TMEM232: variants seen among roughly 807,000 people sequenced by gnomAD.
TMEM232 encodes transmembrane protein 232.
In TMEM232, 80 loss-of-function variants were observed where a neutral mutation model predicts 78.8. That is an observed-to-expected ratio of 1.01 (90% CI 0.85 to 1.22). The LOEUF is 1.22. Among genes scored for constraint, TMEM232 ranks in the 50% most tolerant of loss-of-function variants. The pLI, the probability that TMEM232 is intolerant of heterozygous loss-of-function variation, is 0.00. For missense variants in TMEM232, 881 were observed against 742.2 expected (o/e 1.19, Z -2.17); for synonymous variants, 297 against 254.3 (o/e 1.17, Z -1.60).
chr5:110,459,766 T>C (rs903563925), intron 12 of TMEM232, among the ~76,000 whole-genome samples: 1 of 152,158 alleles, frequency 6.6e-6, no homozygotes, highest in African/African-American at 2.4e-5. Context: ...AGACACCCCC[T>C]TAACCAGGTG....
rs559912657 is a variant in TMEM232, at chr5:110,522,990, T to C, written c.1703+5598A>G. 8.5e-5 allele frequency among the ~76,000 whole-genome samples: 13 copies of C among 152,308 alleles called. No homozygotes were observed. In the East Asian group the frequency reaches 2.3e-3, roughly 27 times the overall value. On this transcript the variant is annotated intron_variant, in intron 12 of 13. Transcript: ENST00000455884. ...GAGCTTGAGAAATGTTGGCTTTAAT[T>C]GTTCAGATGTTTAGTAGGATTCACC...
At chr5:110,648,956 A>C (rs940605821) in intron 2 of TMEM232, among the ~76,000 whole-genome samples, 1 of 152,122 alleles carries the variant, frequency 6.6e-6, no homozygotes, top group Admixed American at 6.6e-5. Context: ...CTCTTTCAGA[A>C]GGTAAACAGT....
At chr5:110,477,676 T>C (rs1329264007) in intron 12 of TMEM232, among the ~76,000 whole-genome samples, 1 of 151,884 alleles carries the variant, frequency 6.6e-6, no homozygotes, top group Non-Finnish European at 1.5e-5. Context: ...AAAACATCTG[T>C]ATCTTCTTTT....
In TMEM232 at chr5:110,432,384, G is replaced by A. The variant is rs1228791671; in HGVS notation, c.1704-7468C>T. ...AAAGAATTTCAAATCCTGCCAAACC[G>A]AGCTTCATAAACGAAGGAGAATGAA... On this transcript the variant is annotated intron_variant, in intron 12 of 13. Transcript: ENST00000455884. Among the ~76,000 whole-genome samples the A allele has an allele frequency of 4.0e-5, 6 of 151,518 alleles. No homozygotes were observed. In the South Asian group the frequency reaches 6.2e-4, roughly 16 times the overall value.
At chr5:110,593,605 G>C (rs921786299) in intron 10 of TMEM232, among the ~76,000 whole-genome samples, 45 of 152,036 alleles carry the variant, frequency 3.0e-4, no homozygotes, top group African/African-American at 1.0e-3. Context: ...TTATTTGTGG[G>C]AGCTAAAAAT....
At chr5:110,612,869 G>A (rs1352776568) in intron 8 of TMEM232, among the ~76,000 whole-genome samples, 1 of 152,040 alleles carries the variant, frequency 6.6e-6, no homozygotes, top group Non-Finnish European at 1.5e-5. Flanking sequence ...AGTCTTTTGC[G>A]TTGACTTGAG....
At chr5:110,694,390 C>T (rs994506165) in intron 1 of TMEM232, among the ~76,000 whole-genome samples, 1 of 152,158 alleles carries the variant, frequency 6.6e-6, no homozygotes, top group African/African-American at 2.4e-5. Context: ...GAAGAAACTG[C>T]ATCAACTAAC....
At chr5:110,626,898 T>G (rs1172463018) in intron 6 of TMEM232, among the ~76,000 whole-genome samples, 2 of 152,036 alleles carry the variant, frequency 1.3e-5, no homozygotes, top group Non-Finnish European at 2.9e-5. Flanking sequence ...TCCTGGGCCC[T>G]GTTACACCAA....
chr5:110,641,888 T>C (rs1161731448), intron 3 of TMEM232, among the ~76,000 whole-genome samples: 1 of 152,198 alleles, frequency 6.6e-6, no homozygotes, highest in African/African-American at 2.4e-5. Context: ...GAATAGTTTG[T>C]TACAGAGAAA....
At chr5:110,560,489 C>T (rs1775610579) in intron 11 of TMEM232, among the ~76,000 whole-genome samples, 1 of 151,988 alleles carries the variant, frequency 6.6e-6, no homozygotes, top group African/African-American at 2.4e-5. Flanking sequence ...AAAATTTTTC[C>T]AACGGCCAGA....
chr5:110,589,806 A>T (rs1195079074), intron 10 of TMEM232, among the ~76,000 whole-genome samples: 1 of 152,156 alleles, frequency 6.6e-6, no homozygotes, highest in Non-Finnish European at 1.5e-5. Flanking sequence ...TTTATGACCC[A>T]TAAGGGCAAA....
At chr5:110,396,582 C>G (rs1465407326) in intron 3 of TMEM232, among the ~76,000 whole-genome samples, 1 of 152,122 alleles carries the variant, frequency 6.6e-6, no homozygotes, top group East Asian at 1.9e-4. Context: ...CCCTCCTTTA[C>G]CCACCTTCAG....
At chr5:110,612,685 A>G (rs775751520) in intron 8 of TMEM232, among the ~76,000 whole-genome samples, 2 of 152,184 alleles carry the variant, frequency 1.3e-5, no homozygotes, top group Non-Finnish European at 2.9e-5. Flanking sequence ...TTAAATTGTC[A>G]AGCTTTTTTT....
intron 1 of TMEM232, among the ~76,000 whole-genome samples, chr5:110,696,962 G>C (rs895074522): frequency 1.1e-4 from 16 of 152,124 alleles, no homozygotes; most frequent in Non-Finnish European, 1.8e-4. Flanking sequence ...AAGTTCATAT[G>C]GAACCAGAAA....
At chr5:110,719,724 A>G (rs1561565532) in intron 1 of TMEM232, among the ~76,000 whole-genome samples, 2 of 152,042 alleles carry the variant, frequency 1.3e-5, no homozygotes, top group Non-Finnish European at 2.9e-5. Flanking sequence ...CACTCTTCAG[A>G]GGGTACAGCC....
chr5:110,454,291 A>G (rs192274099), intron 12 of TMEM232, among the ~76,000 whole-genome samples: 19 of 152,324 alleles, frequency 1.2e-4, no homozygotes, highest in African/African-American at 4.6e-4. Context: ...AAATAAAAAA[A>G]TCACACCAAG....
chr5:110,502,346 C>T (rs909481899), intron 12 of TMEM232, among the ~76,000 whole-genome samples: 5 of 152,028 alleles, frequency 3.3e-5, no homozygotes, highest in African/African-American at 9.7e-5. Context: ...TTTCAGTCAC[C>T]GAGTGGGAAG....
chr5:110,679,489 T>C (rs182043362), intron 1 of TMEM232, among the ~76,000 whole-genome samples: 1 of 152,304 alleles, frequency 6.6e-6, no homozygotes, highest in Admixed American at 6.5e-5. Context: ...TCTCATTTTA[T>C]TGGGATTGTC....
chr5:110,570,497 T>C (rs995191206), intron 10 of TMEM232, among the ~76,000 whole-genome samples: 11 of 152,044 alleles, frequency 7.2e-5, no homozygotes, highest in African/African-American at 2.6e-4. Context: ...GTCATTGATA[T>C]AACAATCACA....
Sources: allele counts gnomAD v4.1 joint callset (sites outside exome capture counted in the v4.1 genomes callset), GRCh38; gene constraint gnomAD v4.1.1; transcripts MANE v1.5; gene names NCBI Gene and HGNC (gene_info 2026-07-23, HGNC 2026-07-21).